ELAPOR2: variants seen among roughly 807,000 people sequenced by gnomAD.
ELAPOR2 encodes the protein endosome-lysosome associated apoptosis and autophagy regulator family member 2, also known as endosome/lysosome-associated apoptosis and autophagy regulator family member 2.
A neutral mutation model predicts 120.7 loss-of-function variants in ELAPOR2; 89 were observed. That is an observed-to-expected ratio of 0.74 (90% CI 0.62 to 0.88). The LOEUF is 0.88. Ranked by LOEUF, ELAPOR2 falls within the 40% of genes least tolerant of loss-of-function variation. The pLI, the probability that ELAPOR2 is intolerant of heterozygous loss-of-function variation, is 0.00. For missense variants in ELAPOR2, 1,134 were observed against 1,251.6 expected, an observed-to-expected ratio of 0.91 and a Z score of 1.42; for synonymous variants, 444 against 444.9, an observed-to-expected ratio of 1.00 and a Z score of 0.03.
At chr7:86,939,068 A>G (rs1790692778) in intron 6 of ELAPOR2, 108 bp from the exon 7 acceptor site, 7 of 1,173,158 alleles carry the variant, frequency 6.0e-6, no homozygotes, top group Non-Finnish European at 7.2e-6. Flanking sequence ...ATGAACAGTA[A>G]GGTCAGCCCA....
intron 19 of ELAPOR2, among the ~76,000 whole-genome samples, chr7:86,895,045 G>C (rs552512094): frequency 5.3e-5 from 8 of 151,984 alleles, no homozygotes; most frequent in Non-Finnish European, 1.2e-4. Flanking sequence ...AAAAGTGCAC[G>C]CTCAATCAAC....
chr7:86,963,464 C>T (rs1383110534), intron 2 of ELAPOR2, among the ~76,000 whole-genome samples: 3 of 152,050 alleles, frequency 2.0e-5, no homozygotes, highest in African/African-American at 7.2e-5. Flanking sequence ...TTCATGGATA[C>T]AATACTCTAC....
At chr7:87,037,208 A>G (rs1475639128) in intron 1 of ELAPOR2, among the ~76,000 whole-genome samples, 1 of 151,990 alleles carries the variant, frequency 6.6e-6, no homozygotes, top group African/African-American at 2.4e-5. Flanking sequence ...GGCTTCAATT[A>G]CCTCTTATGT....
intron 8 of ELAPOR2, among the ~76,000 whole-genome samples, 194 bp from the exon 9 acceptor site, chr7:86,927,110 C>CT (rs1322247592): frequency 1.3e-5 from 2 of 151,776 alleles, no homozygotes; most frequent in African/African-American, 4.8e-5. Flanking sequence ...CTTCCAAATG[C>CT]TTTTACCCTA....
intron 1 of ELAPOR2, among the ~76,000 whole-genome samples, chr7:87,003,402 G>A (rs1318613334): frequency 1.3e-5 from 2 of 152,090 alleles, no homozygotes; most frequent in African/African-American, 4.8e-5. Context: ...ACTGGTAGGA[G>A]GTGATTTGAT....
intron 12 of ELAPOR2, among the ~76,000 whole-genome samples, chr7:86,917,334 T>C (rs1465248040): frequency 6.6e-6 from 1 of 152,036 alleles, no homozygotes; most frequent in Non-Finnish European, 1.5e-5. Flanking sequence ...GGAGAATCAC[T>C]TGAACTCAGG....
chr7:86,897,645 A>G lies in ELAPOR2; in HGVS notation c.2559-13T>C. ...TGCTGGGCACTTGCTAAAATCATAA[A>G]CAAAACCAAAAACACATAAGTGGCA... On this transcript the variant is annotated splice_polypyrimidine_tract_variant and intron_variant, in intron 18 of 21. Transcript: ENST00000450689. The G allele has an allele frequency of 4.3e-6, 7 of 1,612,694 alleles. No homozygotes were observed. The highest frequency in any genetic ancestry group is 5.9e-6 in the Non-Finnish European group (7 of 1,179,202).
At chr7:86,920,679 T>C (rs946775396) in intron 10 of ELAPOR2, 1 of 152,260 alleles carries the variant, frequency 6.6e-6, no homozygotes, top group Admixed American at 6.5e-5. Flanking sequence ...AGATCCCCAA[T>C]GTCCTCCACT....
chr7:86,974,428 T>A (rs556233735), intron 1 of ELAPOR2, among the ~76,000 whole-genome samples: 1 of 152,220 alleles, frequency 6.6e-6, no homozygotes, highest in African/African-American at 2.4e-5. Context: ...TGTGAAACAA[T>A]AAGAGACTGG....
intron 1 of ELAPOR2, among the ~76,000 whole-genome samples, chr7:87,016,198 T>C (rs1019152588): frequency 1.3e-5 from 2 of 152,170 alleles, no homozygotes; most frequent in African/African-American, 4.8e-5. Flanking sequence ...TTAGTGTTTA[T>C]GTGTATAGGG....
At chr7:87,031,068 T>A (rs1423958403) in intron 1 of ELAPOR2, among the ~76,000 whole-genome samples, 2 of 152,144 alleles carry the variant, frequency 1.3e-5, no homozygotes, top group African/African-American at 4.8e-5. Context: ...ACCACCCCCA[T>A]GATTCAATTA....
At chr7:87,039,776 C>T (rs1017470827) in intron 1 of ELAPOR2, among the ~76,000 whole-genome samples, 5 of 152,102 alleles carry the variant, frequency 3.3e-5, no homozygotes, top group Non-Finnish European at 7.4e-5. Context: ...GCCAAGATGG[C>T]CGAATAGGAA....
At position 86,953,318 on chromosome 7, in the gene ELAPOR2, G is replaced by A. The variant is rs1244735654; in HGVS notation, c.311-5396C>T. 2.0e-5 allele frequency among the ~76,000 whole-genome samples: 3 copies of A among 152,114 alleles called. No individual in the cohort carries two copies. In the East Asian group the frequency reaches 5.8e-4, roughly 29 times the overall value. ...CTCCTCAATCTTTTTCATCCTGGAA[G>A]TCAGGCTTAGAGACACCTGTCAAAG... On this transcript the variant is annotated intron_variant, in intron 2 of 21. Transcript: ENST00000450689.
chr7:86,909,132 C>A (rs1331807070), intron 16 of ELAPOR2, among the ~76,000 whole-genome samples: 2 of 151,908 alleles, frequency 1.3e-5, no homozygotes, highest in African/African-American at 4.8e-5. Flanking sequence ...GCAACCCCCA[C>A]CCCAGTAACT....
At chr7:86,911,473 T>C (rs1789305794) in intron 15 of ELAPOR2, 6 of 374,432 alleles carry the variant, frequency 1.6e-5, no homozygotes, top group South Asian at 8.3e-5. Flanking sequence ...TGTAGGTATA[T>C]ACCTATACAT....
At chr7:87,003,516 T>G (rs1554403788) in intron 1 of ELAPOR2, among the ~76,000 whole-genome samples, 1 of 152,166 alleles carries the variant, frequency 6.6e-6, no homozygotes, top group Non-Finnish European at 1.5e-5. Context: ...TCTCTCCTGC[T>G]GGCCATGTGA....
In ELAPOR2 at chr7:87,045,014, C is replaced by T. The variant is rs532283236; in HGVS notation, c.189+14311G>A. Among the ~76,000 whole-genome samples, 15 of 141,566 alleles carry T rather than the reference C, an allele frequency of 1.1e-4. No individual in the cohort carries two copies. In the East Asian group the frequency reaches 1.6e-3, roughly 15 times the overall value. The allele number at this position is 141,566 out of a possible 152,430, so 92.9% of individuals were successfully genotyped here. A position where few individuals can be genotyped will look rare whatever the true frequency, so the allele number is the denominator to read the frequency against. Reference sequence around the variant, plus strand: ...CAAAAAACACATGAAAAAATGCTCACCATCACTGGCCATCAGAGAAATGCA... The same window carrying T: ...CAAAAAACACATGAAAAAATGCTCATCATCACTGGCCATCAGAGAAATGCA... On this transcript the variant is annotated intron_variant, in intron 1 of 21. Coordinates refer to ENST00000450689, the MANE Select transcript of ELAPOR2 (RefSeq NM_001142749.3).
In ELAPOR2 at chr7:86,953,535, G is replaced by A. The variant is rs532629001; in HGVS notation, c.311-5613C>T. Among the ~76,000 whole-genome samples the A allele has an allele frequency of 2.6e-4, 39 of 152,128 alleles. 2 individuals are homozygous for A. The South Asian group carries it at 7.3e-3, about 28-fold the overall frequency. Reference sequence around the variant, plus strand: ...ATTTGTTCTTTAATTAGATCATCAGGTTTTTTAATAATCTTAAAGACTGTA... The same window carrying A: ...ATTTGTTCTTTAATTAGATCATCAGATTTTTTAATAATCTTAAAGACTGTA... On this transcript the variant is annotated intron_variant, in intron 2 of 21. Coordinates refer to ENST00000450689, the MANE Select transcript of ELAPOR2 (RefSeq NM_001142749.3).
intron 1 of ELAPOR2, among the ~76,000 whole-genome samples, chr7:87,000,623 A>G (rs1021801030): frequency 6.6e-6 from 1 of 152,188 alleles, no homozygotes; most frequent in African/African-American, 2.4e-5. Flanking sequence ...GTTGTGCTGA[A>G]TATACAATAT....
Sources: gnomAD v4.1 joint callset for allele counts (sites outside exome capture counted in the v4.1 genomes callset) on GRCh38, gnomAD v4.1.1 for gene constraint, MANE v1.5 for transcripts, NCBI Gene and HGNC (gene_info 2026-07-23, HGNC 2026-07-21) for gene names.